The following GEMIN5 variants were observed in gnomAD, a reference collection of about 807,000 sequenced individuals.
GEMIN5 encodes the protein gem nuclear organelle associated protein 5.
Under a neutral mutation model 176.9 loss-of-function variants are expected in GEMIN5, and 124 were observed. That is an observed-to-expected ratio of 0.70 (90% CI 0.61 to 0.81). The LOEUF (loss-of-function observed/expected upper bound fraction) is 0.81, where lower values mean the gene tolerates loss of function less well. Ranked by LOEUF, GEMIN5 falls within the 40% of genes least tolerant of loss-of-function variation. GEMIN5 has a pLI of 0.00. For synonymous variants in GEMIN5, 673 were observed against 665.2 expected (o/e 1.01, Z -0.18); for missense variants, 1,843 against 1,814.6 (o/e 1.02, Z -0.28).
chr5:154,927,069 A>G, intron 7 of GEMIN5, among the ~76,000 whole-genome samples: 1 of 150,528 alleles, frequency 6.6e-6, no homozygotes. Context: ...AAAAAACACT[A>G]ACACTAACAA....
At chr5:154,914,289 G>A (rs188885853) in intron 13 of GEMIN5, among the ~76,000 whole-genome samples, 9 of 152,258 alleles carry the variant, frequency 5.9e-5, no homozygotes, top group Non-Finnish European at 1.2e-4. Context: ...CCAAAGTGCC[G>A]GGATTATAGG....
intron 22 of GEMIN5, among the ~76,000 whole-genome samples, chr5:154,898,975 G>C (rs889266987): frequency 2.0e-5 from 3 of 152,198 alleles, no homozygotes; most frequent in Non-Finnish European, 4.4e-5. Flanking sequence ...TTAATCTGCT[G>C]CTGAGGTTTT....
chr5:154,894,900 C>T (rs1763316663), intron 24 of GEMIN5, among the ~76,000 whole-genome samples: 1 of 142,008 alleles, frequency 7.0e-6, no homozygotes, highest in Admixed American at 7.1e-5. Flanking sequence ...GAGTGAGACT[C>T]CATCTAAAAA....
At chr5:154,930,877 TAGAAAG>T (rs1395989213) in intron 5 of GEMIN5, among the ~76,000 whole-genome samples, 13 of 152,164 alleles carry the variant, frequency 8.5e-5, no homozygotes, top group Non-Finnish European at 1.2e-4. Context: ...AGAAGCCCGC[TAGAAAG>T]AGAAAAACAA....
chr5:154,899,773 C>A (rs1161973704), intron 21 of GEMIN5, among the ~76,000 whole-genome samples: 1 of 152,050 alleles, frequency 6.6e-6, no homozygotes, highest in African/African-American at 2.4e-5. Flanking sequence ...TTACTAAATC[C>A]GTCAAGTCCA....
At position 154,932,199 on chromosome 5, in the gene GEMIN5, A is replaced by G; in HGVS notation, c.561T>C (p.Val187=). 2 of 1,611,326 alleles carry G rather than the reference A, an allele frequency of 1.2e-6. No individual in the cohort carries two copies. Among genetic ancestry groups the G allele is most frequent in the Non-Finnish European group, 1.7e-6 (2 of 1,177,424 alleles). Residue 187 remains valine, a synonymous_variant, in exon 4 of 28, where the codon GTT becomes GTC. Coordinates refer to ENST00000285873, the MANE Select transcript of GEMIN5 (RefSeq NM_015465.5). ...CATCATGGCCTCGAAGCCTATGAAT[A>G]ACTTCTCCTTTCTTACTGATGTCAA... The part of the protein sequence containing the change: ...VIIDISKKGE[V]IHRLRGHDDE...
chr5:154,923,896 C>A (rs1325219641), intron 9 of GEMIN5, among the ~76,000 whole-genome samples: 3 of 152,110 alleles, frequency 2.0e-5, no homozygotes, highest in Non-Finnish European at 4.4e-5. Context: ...TCTAATCAAG[C>A]CTCTAGAGCA....
At chr5:154,914,430 G>GA (rs375618770) in intron 13 of GEMIN5, among the ~76,000 whole-genome samples, 171 of 142,302 alleles carry the variant, frequency 1.2e-3, no homozygotes, top group African/African-American at 1.9e-3. Context: ...CTGCACTGGA[G>GA]AAAAAAAAAA....
At chr5:154,896,486 G>A in intron 23 of GEMIN5, 143 bp from the exon 24 acceptor site, 1 of 738,794 alleles carries the variant, frequency 1.4e-6, no homozygotes, top group Middle Eastern at 4.0e-4. Context: ...CCCCATATGA[G>A]TCATGCATGA....
intron 9 of GEMIN5, among the ~76,000 whole-genome samples, chr5:154,923,263 C>G (rs1408229887): frequency 2.0e-5 from 3 of 151,958 alleles, no homozygotes; most frequent in African/African-American, 7.3e-5. Context: ...GCCTGTAATC[C>G]CAGCTACTCA....
chr5:154,926,287 C>T (rs1208645485), intron 7 of GEMIN5, among the ~76,000 whole-genome samples: 2 of 152,052 alleles, frequency 1.3e-5, no homozygotes, highest in African/African-American at 4.8e-5. Flanking sequence ...CCAAAGATGT[C>T]ACGTGAATTC....
intron 27 of GEMIN5, 25 bp downstream of exon 27, chr5:154,889,296 C>G: frequency 8.4e-7 from 1 of 1,193,598 alleles, no homozygotes; most frequent in Non-Finnish European, 1.3e-6. Flanking sequence ...TGATGCTTTA[C>G]CAAATGAACT....
chr5:154,918,706 G>A (rs1380286267), intron 11 of GEMIN5, among the ~76,000 whole-genome samples: 1 of 152,156 alleles, frequency 6.6e-6, no homozygotes, highest in Admixed American at 6.5e-5. Flanking sequence ...ATAACTAAAT[G>A]TTACTTTTAT....
intron 1 of GEMIN5, 149 bp downstream of exon 1, chr5:154,937,819 C>T: frequency 1.6e-6 from 1 of 638,734 alleles, no homozygotes; most frequent in Non-Finnish European, 2.5e-6. Context: ...AGACCAGAAG[C>T]AACTCAGCTT....
At chr5:154,888,760 C>T (rs145792837) in intron 27 of GEMIN5, among the ~76,000 whole-genome samples, 63 of 152,304 alleles carry the variant, frequency 4.1e-4, no homozygotes, top group African/African-American at 1.4e-3. Context: ...TTTGGTTTCT[C>T]TGAAGATTGA....
chr5:154,903,092 T>A lies in GEMIN5; in HGVS notation c.2716A>T (p.Ile906Phe), dbSNP rs374811540. The change falls in exon 19 of 28, where the codon ATT becomes TTT. Residue 906 changes from isoleucine (I) to phenylalanine (F), a missense_variant. Transcript: ENST00000285873. ...FTDRATLYRM[I>F]DIEGKGHLEN... is the part of the protein sequence containing the mutation. ...GGATTTGTCTCACCTTCAATATCAATCATTCTATACAGGGTAGCCCTGTCT... is the reference window on the plus strand; with the variant it reads ...GGATTTGTCTCACCTTCAATATCAAACATTCTATACAGGGTAGCCCTGTCT... 1.3e-5 allele frequency: 20 copies of A among 1,596,446 alleles called. No homozygotes were observed. In the African/African-American group the frequency reaches 2.7e-4, roughly 21 times the overall value.
At chr5:154,929,129 C>A (rs1764106542) in intron 5 of GEMIN5, among the ~76,000 whole-genome samples, 1 of 152,110 alleles carries the variant, frequency 6.6e-6, no homozygotes, top group African/African-American at 2.4e-5. Context: ...GAGGCTGAGG[C>A]AGGAGAATGG....
intron 9 of GEMIN5, among the ~76,000 whole-genome samples, chr5:154,922,975 C>A (rs994457834): frequency 1.3e-5 from 2 of 151,994 alleles, no homozygotes; most frequent in Non-Finnish European, 2.9e-5. Flanking sequence ...GGATTACAGG[C>A]GTGAGCCACC....
rs780639334 is a variant in GEMIN5 at position 154,891,404 on chromosome 5, G to A, written c.4099C>T (p.Leu1367Phe). 24 of 1,614,130 alleles carry A rather than the reference G, an allele frequency of 1.5e-5. No individual in the cohort carries two copies. The East Asian group carries it at 5.3e-4, about 36-fold the overall frequency. ...KELFSEKHAS[L>F]QNSQRTVAEV... is the part of the protein sequence containing the mutation. ...GCAACAGTTCTCTGTGAGTTTTGGA[G>A]ACTGGCATGCTTTTCTGAAAAGAGC... is the stretch of plus-strand genomic sequence containing the variant. The change falls in exon 26 of 28, where the codon CTC (leucine) becomes TTC (phenylalanine). Residue 1367 changes from leucine to phenylalanine, a missense_variant. By Grantham distance (22) the Leu-to-Phe change is conservative. Transcript: ENST00000285873.
Sources: allele counts gnomAD v4.1 joint callset (sites outside exome capture counted in the v4.1 genomes callset), GRCh38; gene constraint gnomAD v4.1.1; transcripts MANE v1.5; gene names NCBI Gene and HGNC (gene_info 2026-07-23, HGNC 2026-07-21).